The following PKNOX2 variants were observed in gnomAD, a reference collection of about 807,000 sequenced individuals.
PKNOX2 encodes the protein PBX/knotted 1 homeobox 2, also known as homeobox protein PKNOX2.
A neutral mutation model predicts 53.1 loss-of-function variants in PKNOX2; 14 were observed. The observed-to-expected ratio is 0.26, with a 90% CI of 0.17 to 0.41. The LOEUF (loss-of-function observed/expected upper bound fraction) is 0.41. PKNOX2 is among the 10% of genes least tolerant of loss of function. The pLI is 1.00. For missense variants in PKNOX2, 496 were observed against 602.8 expected (o/e 0.82, Z 1.85); for synonymous variants, 257 against 242.8 (o/e 1.06, Z -0.54).
intron 7 of PKNOX2, among the ~76,000 whole-genome samples, chr11:125,400,525 C>G (rs1954682809): frequency 6.6e-6 from 1 of 152,174 alleles, no homozygotes; most frequent in Admixed American, 6.5e-5. Flanking sequence ...TCAAGGCCCT[C>G]CTAGGTCTGG....
At chr11:125,169,834 C>G (rs749095343) in intron 1 of PKNOX2, among the ~76,000 whole-genome samples, 36 of 152,220 alleles carry the variant, frequency 2.4e-4, no homozygotes, top group Non-Finnish European at 4.1e-4. Context: ...GAATTCCTGC[C>G]TTGCATTACA....
intron 2 of PKNOX2, among the ~76,000 whole-genome samples, chr11:125,252,526 G>A (rs1001953589): frequency 2.0e-5 from 3 of 152,192 alleles, no homozygotes; most frequent in African/African-American, 4.8e-5. Flanking sequence ...AGAGACCTGT[G>A]TACCTTTATG....
At chr11:125,423,938 T>C (rs1227213264) in intron 10 of PKNOX2, among the ~76,000 whole-genome samples, 3 of 152,122 alleles carry the variant, frequency 2.0e-5, no homozygotes, top group Admixed American at 2.0e-4. Flanking sequence ...TACACAGCGA[T>C]TAAAAGGAAC....
chr11:125,189,433 GTGTGTGTGTGTGTGTA>G (rs1565465069), intron 1 of PKNOX2, among the ~76,000 whole-genome samples: 11 of 79,182 alleles, frequency 1.4e-4, no homozygotes, highest in Non-Finnish European at 2.1e-4. Context: ...GTGTGTGTGT[GTGTGTGTGTGTGTGTA>G]TATATATATA....
chr11:125,351,150 C>T (rs530630720), intron 3 of PKNOX2, 134 bp from the exon 4 acceptor site: 14 of 692,432 alleles, frequency 2.0e-5, no homozygotes, highest in African/African-American at 3.5e-5. Flanking sequence ...CATTTGTTGC[C>T]CTGAAGGGCG....
intron 4 of PKNOX2, among the ~76,000 whole-genome samples, chr11:125,356,123 A>T (rs898746686): frequency 6.6e-6 from 1 of 150,888 alleles, no homozygotes; most frequent in African/African-American, 2.4e-5. Flanking sequence ...CAAATATTGT[A>T]TCTGGTCTAT....
Position 125,295,831 on chromosome 11 carries a change from G to A in PKNOX2, c.-129-35988G>A, listed in dbSNP as rs567558768. The stretch of plus-strand genomic sequence containing the variant: ...TCTGCTGGTCTATTCCTTCATAGAC[G>A]GCTATCTTCTGCCTTCCCTCCTTCT... On this transcript the variant is annotated intron_variant, in intron 2 of 12. Coordinates refer to ENST00000298282, the MANE Select transcript of PKNOX2 (RefSeq NM_001382323.2). Among the ~76,000 whole-genome samples, 9 of 152,150 alleles carry A rather than the reference G, an allele frequency of 5.9e-5. No individual in the cohort carries two copies. The South Asian group carries it at 1.0e-3, about 17-fold the overall frequency.
chr11:125,241,622 C>T (rs1943152183), intron 2 of PKNOX2, among the ~76,000 whole-genome samples: 1 of 152,192 alleles, frequency 6.6e-6, no homozygotes, highest in South Asian at 2.1e-4. Flanking sequence ...TTTGGGAGGG[C>T]AAGGTGGGCA....
In PKNOX2 at chr11:125,257,741, G is replaced by A. The variant is rs574792229; in HGVS notation, c.-130+22626G>A. 5.3e-5 allele frequency among the ~76,000 whole-genome samples: 8 copies of A among 152,270 alleles called. No individual in the cohort carries two copies. The South Asian group carries it at 1.2e-3, about 24-fold the overall frequency. ...GTAAATTTAGGTTGCCCTTTTCATC[G>A]TCATTGTCACTCTACCATTCTGTCT... On this transcript the variant is annotated intron_variant, in intron 2 of 12. Transcript: ENST00000298282.
At chr11:125,349,237 C>T (rs769211465) in intron 3 of PKNOX2, among the ~76,000 whole-genome samples, 3 of 152,004 alleles carry the variant, frequency 2.0e-5, no homozygotes, top group Non-Finnish European at 4.4e-5. Flanking sequence ...TCTTACCCCA[C>T]CCCCACCTTT....
At chr11:125,388,037 G>C (rs570596997) in intron 6 of PKNOX2, among the ~76,000 whole-genome samples, 1 of 152,142 alleles carries the variant, frequency 6.6e-6, no homozygotes, top group South Asian at 2.1e-4. Context: ...CTCAAGTGCA[G>C]GGCCCCTCCG....
At chr11:125,295,830 C>T (rs1441952058) in intron 2 of PKNOX2, among the ~76,000 whole-genome samples, 4 of 152,184 alleles carry the variant, frequency 2.6e-5, no homozygotes, top group African/African-American at 9.7e-5. Flanking sequence ...CCTTCATAGA[C>T]GGCTATCTTC....
intron 6 of PKNOX2, among the ~76,000 whole-genome samples, chr11:125,393,244 A>T (rs1954186357): frequency 6.6e-6 from 1 of 152,138 alleles, no homozygotes; most frequent in Admixed American, 6.5e-5. Flanking sequence ...GGCATATAGT[A>T]AGACTCAATA....
intron 6 of PKNOX2, among the ~76,000 whole-genome samples, chr11:125,387,252 A>C (rs1953700640): frequency 6.6e-6 from 1 of 152,224 alleles, no homozygotes; most frequent in Non-Finnish European, 1.5e-5. Context: ...CCATTTCTGT[A>C]GGAGCTGGGA....
intron 2 of PKNOX2, among the ~76,000 whole-genome samples, chr11:125,243,654 G>A (rs1195281893): frequency 4.1e-5 from 6 of 145,812 alleles, no homozygotes; most frequent in African/African-American, 7.7e-5. Flanking sequence ...ATAGGGTCTC[G>A]CTCTGTCGCC....
chr11:125,283,234 G>C (rs1318490826), intron 2 of PKNOX2, among the ~76,000 whole-genome samples: 2 of 152,138 alleles, frequency 1.3e-5, no homozygotes, highest in East Asian at 3.8e-4. Context: ...CCTACCATCA[G>C]ATAGCACAGA....
At chr11:125,414,066 G>A (rs1274887319) in intron 10 of PKNOX2, among the ~76,000 whole-genome samples, 2 of 152,172 alleles carry the variant, frequency 1.3e-5, no homozygotes, top group Non-Finnish European at 2.9e-5. Flanking sequence ...TGGGACCTCG[G>A]TTCATGCCCC....
In PKNOX2 at chr11:125,265,203, C is replaced by T. The variant is rs148897054; in HGVS notation, c.-130+30088C>T. Among the ~76,000 whole-genome samples the T allele has an allele frequency of 2.6e-3, 401 of 151,972 alleles. 1 individual carries two copies. The highest frequency in any genetic ancestry group is 4.7e-3 in the Non-Finnish European group (319 of 67,986). On this transcript the variant is annotated intron_variant, in intron 2 of 12. Transcript: ENST00000298282. ...TCGGAAGGCTGAGGCAGGAGATTGC[C>T]GTGAACCCAGGAAGTGGAGCTTGCA...
chr11:125,254,514 G>T (rs1048176650), intron 2 of PKNOX2, among the ~76,000 whole-genome samples: 4 of 152,224 alleles, frequency 2.6e-5, no homozygotes, highest in Admixed American at 6.5e-5. Context: ...TTGGGCAAGT[G>T]GCTTACCATT....
Sources: gnomAD v4.1 joint callset for allele counts (sites outside exome capture counted in the v4.1 genomes callset) on GRCh38, gnomAD v4.1.1 for gene constraint, MANE v1.5 for transcripts, NCBI Gene and HGNC (gene_info 2026-07-23, HGNC 2026-07-21) for gene names.